TLK2: variants seen among roughly 807,000 people sequenced by gnomAD.
TLK2 encodes the protein serine/threonine-protein kinase tousled-like 2.
In TLK2, 6 loss-of-function variants were observed where a neutral mutation model predicts 117.3. The observed-to-expected ratio is 0.05, with a 90% CI of 0.03 to 0.10. The LOEUF (loss-of-function observed/expected upper bound fraction) is 0.10, where lower values mean the gene tolerates loss of function less well. TLK2 is among the 10% of genes least tolerant of loss of function. The pLI, the probability that TLK2 is intolerant of heterozygous loss-of-function variation, is 1.00. For synonymous variants in TLK2, 257 were observed against 316.7 expected (o/e 0.81, Z 2.00); for missense variants, 299 against 901.2 (o/e 0.33, Z 8.56).
At chr17:62,497,460 C>G (rs1042062877) in intron 2 of TLK2, among the ~76,000 whole-genome samples, 4 of 152,182 alleles carry the variant, frequency 2.6e-5, no homozygotes, top group African/African-American at 7.2e-5. Flanking sequence ...AGAGACTGGA[C>G]TAAATCTAAT....
intron 2 of TLK2, among the ~76,000 whole-genome samples, chr17:62,518,379 T>C (rs942771711): frequency 6.6e-6 from 1 of 152,158 alleles, no homozygotes; most frequent in Non-Finnish European, 1.5e-5. Context: ...TTACAAATGC[T>C]ATGATTTTAT....
chr17:62,487,065 A>G (rs999044620), intron 2 of TLK2, among the ~76,000 whole-genome samples: 8 of 152,176 alleles, frequency 5.3e-5, no homozygotes, highest in African/African-American at 1.4e-4. Context: ...AGGCCGAGGC[A>G]GGCAGATCAC....
At chr17:62,522,155 G>T in intron 3 of TLK2, 49 bp from the exon 4 acceptor site, 1 of 1,589,576 alleles carries the variant, frequency 6.3e-7, no homozygotes, top group Non-Finnish European at 8.6e-7. Flanking sequence ...TTTTCCTAAC[G>T]TGAAAAATTT....
chr17:62,489,347 C>T lies in TLK2; in HGVS notation c.81+8141C>T, dbSNP rs561652646. ...TCCTGAGTATCTGGGACTAAAGGCA[C>T]GTGCCACCATGCCCGGCTAATTTTT... On this transcript the variant is annotated intron_variant, in intron 2 of 21. Coordinates refer to ENST00000346027, the MANE Select transcript of TLK2 (RefSeq NM_006852.6). 3.3e-5 allele frequency among the ~76,000 whole-genome samples: 5 copies of T among 152,014 alleles called. No homozygotes were observed. The East Asian group carries it at 5.8e-4, about 18-fold the overall frequency.
In TLK2 at chr17:62,523,158, A is replaced by G. The variant is rs1363990187; in HGVS notation, c.248A>G (p.Lys83Arg). 5.0e-6 allele frequency: 8 copies of G among 1,600,172 alleles called. No individual in the cohort carries two copies. The highest frequency in any genetic ancestry group is 6.8e-6 in the Non-Finnish European group (8 of 1,176,646). The change falls in exon 5 of 22, where the codon AAA becomes AGA. Residue 83 changes from lysine to arginine, a missense_variant. Transcript: ENST00000346027. Reference sequence around the variant, plus strand: ...GGGAAAGGCACTCCTAGGGGACATAAAATTAGTGATTACTTTGAGGTAAGT... The same window carrying G: ...GGGAAAGGCACTCCTAGGGGACATAGAATTAGTGATTACTTTGAGGTAAGT... The part of the protein sequence containing the change: ...SQGKGTPRGH[K>R]ISDYFEFAGG...
intron 20 of TLK2, among the ~76,000 whole-genome samples, chr17:62,607,285 C>T (rs1459913288): frequency 6.7e-6 from 1 of 149,580 alleles, no homozygotes; most frequent in Non-Finnish European, 1.5e-5. Context: ...TTTGGGAGGC[C>T]GAGGCAGGTG....
chr17:62,521,846 G>A (rs1163538006), intron 3 of TLK2, among the ~76,000 whole-genome samples: 3 of 152,130 alleles, frequency 2.0e-5, no homozygotes, highest in Admixed American at 6.5e-5. Flanking sequence ...AAAAAGATTG[G>A]ATTTAAAGTA....
chr17:62,501,649 C>T (rs1465721799), intron 2 of TLK2, among the ~76,000 whole-genome samples: 1 of 151,280 alleles, frequency 6.6e-6, no homozygotes. Context: ...ATATTTATTA[C>T]AGAAATTGGA....
chr17:62,565,210 G>A (rs2079653199), intron 11 of TLK2, 73 bp downstream of exon 11: 2 of 1,527,854 alleles, frequency 1.3e-6, no homozygotes, highest in South Asian at 2.6e-5. Context: ...TGTAATTGTA[G>A]TCATTAATAA....
rs560118074 is a variant in TLK2, at chr17:62,494,223, C to T, written c.81+13017C>T. On this transcript the variant is annotated intron_variant, in intron 2 of 21. Coordinates refer to ENST00000346027, the MANE Select transcript of TLK2 (RefSeq NM_006852.6). ...TCAGCCTCTCAAGTAGCTGGGACTA[C>T]AGGCGTGTGCCGTCACGCCTGGCTA... is the stretch of plus-strand genomic sequence containing the variant. Among the ~76,000 whole-genome samples, 4 of 152,252 alleles carry T rather than the reference C, an allele frequency of 2.6e-5. No individual in the cohort carries two copies. The East Asian group carries it at 7.7e-4, about 29-fold the overall frequency.
At chr17:62,487,153 G>A (rs1189572285) in intron 2 of TLK2, among the ~76,000 whole-genome samples, 1 of 152,122 alleles carries the variant, frequency 6.6e-6, no homozygotes, top group Non-Finnish European at 1.5e-5. Context: ...TAAGCCGGGC[G>A]TGGTGGCATG....
intron 10 of TLK2, among the ~76,000 whole-genome samples, chr17:62,564,381 C>A (rs2079554076): frequency 1.3e-5 from 2 of 151,902 alleles, no homozygotes; most frequent in African/African-American, 4.8e-5. Flanking sequence ...ACTAAAAATA[C>A]AAAAATTAGC....
At chr17:62,593,333 A>G (rs1170458795) in intron 16 of TLK2, among the ~76,000 whole-genome samples, 1 of 152,192 alleles carries the variant, frequency 6.6e-6, no homozygotes, top group Non-Finnish European at 1.5e-5. Flanking sequence ...AGGCTACACT[A>G]CATTTATTAA....
intron 16 of TLK2, among the ~76,000 whole-genome samples, chr17:62,596,121 A>G (rs1456077888): frequency 2.0e-5 from 3 of 152,186 alleles, no homozygotes; most frequent in Non-Finnish European, 4.4e-5. Flanking sequence ...CTCTGTCACC[A>G]GGCTGGAGTG....
rs902858025 is a variant in TLK2 at position 62,615,246 on chromosome 17, A to C, written c.*2681A>C. On this transcript the variant is annotated 3_prime_UTR_variant, in exon 22 of 22. Transcript: ENST00000346027. Reference sequence around the variant, plus strand: ...GAACATGCAGAACATTGACCTTTCCATTGACTGTCTTTCAAGCAGCCAGTG... The same window carrying C: ...GAACATGCAGAACATTGACCTTTCCCTTGACTGTCTTTCAAGCAGCCAGTG... 2 of 152,078 alleles carry C rather than the reference A, an allele frequency of 1.3e-5. No homozygotes were observed. Among genetic ancestry groups the C allele is most frequent in the African/African-American group, 4.8e-5 (2 of 41,402 alleles). 9.4% of individuals were successfully genotyped at this position (152,078 alleles called of 1,614,324 possible). A position where few individuals can be genotyped will look rare whatever the true frequency, so the allele number is the denominator to read the frequency against.
chr17:62,476,027 G>A (rs1352521667), upstream of TLK2, among the ~76,000 whole-genome samples: 1 of 151,588 alleles, frequency 6.6e-6, no homozygotes. Context: ...ACCCAGAATG[G>A]AGTGCAGTGG....
intron 2 of TLK2, among the ~76,000 whole-genome samples, chr17:62,502,731 A>G (rs1277562233): frequency 2.6e-5 from 4 of 152,242 alleles, no homozygotes; most frequent in Admixed American, 2.6e-4. Context: ...GCAATGAACA[A>G]TTGGCAGTTG....
chr17:62,575,258 C>A (rs911410917), intron 12 of TLK2, among the ~76,000 whole-genome samples: 1 of 152,224 alleles, frequency 6.6e-6, no homozygotes, highest in Non-Finnish European at 1.5e-5. Flanking sequence ...TTGGCTCTTA[C>A]TTTGACCAGA....
rs544900638 is a variant in TLK2 at position 62,505,407 on chromosome 17, A to ATTTTTTTTTTTTTTTT, written c.82-15355_82-15340dup. Among the ~76,000 whole-genome samples, 90 of 53,768 alleles carry ATTTTTTTTTTTTTTTT rather than the reference A, an allele frequency of 1.7e-3. 21 individuals carry two copies. Among genetic ancestry groups the ATTTTTTTTTTTTTTTT allele is most frequent in the African/African-American group, 3.5e-3 (38 of 10,816 alleles). The allele number at this position is 53,768 out of a possible 152,430, so 35.3% of individuals were successfully genotyped here. A position where few individuals can be genotyped will look rare whatever the true frequency, so the allele number is the denominator to read the frequency against. Reference sequence around the variant, plus strand: ...TACAGTCATGCACTACCATACCCAGATTTTTTTTTTTTTTTTTTTTTTTTT... The same window carrying ATTTTTTTTTTTTTTTT: ...TACAGTCATGCACTACCATACCCAGATTTTTTTTTTTTTTTTTTTTTTTTTTTTTTTTTTTTTTTTT... On this transcript the variant is annotated intron_variant, in intron 2 of 21. Transcript: ENST00000346027.
Sources: gnomAD v4.1 joint callset for allele counts (sites outside exome capture counted in the v4.1 genomes callset) on GRCh38, gnomAD v4.1.1 for gene constraint, MANE v1.5 for transcripts, NCBI Gene and HGNC (gene_info 2026-07-23, HGNC 2026-07-21) for gene names.